Variants in SEL1L3 observed in about 807,000 individuals in gnomAD.
SEL1L3 encodes the protein SEL1L family member 3.
In SEL1L3, 76 loss-of-function variants were observed where a neutral mutation model predicts 142.8. That is an observed-to-expected ratio of 0.53 (90% CI 0.44 to 0.64). The LOEUF is 0.64. Among genes scored for constraint, SEL1L3 ranks in the 30% least tolerant of loss-of-function variants. The pLI is 0.00. For missense variants in SEL1L3, 1,262 were observed against 1,381.7 expected, an observed-to-expected ratio of 0.91 and a Z score of 1.37; for synonymous variants, 504 against 519.6, an observed-to-expected ratio of 0.97 and a Z score of 0.41.
intron 2 of SEL1L3, 50 bp from the exon 3 acceptor site, chr4:25,835,373 C>G (rs1443622184): frequency 6.3e-7 from 1 of 1,598,160 alleles, no homozygotes; most frequent in Non-Finnish European, 8.6e-7. Context: ...AAAAACATTC[C>G]TTCCCAAACC....
intron 15 of SEL1L3, among the ~76,000 whole-genome samples, chr4:25,781,034 G>A (rs1328603729): frequency 6.6e-6 from 1 of 151,362 alleles, no homozygotes; most frequent in African/African-American, 2.4e-5. Context: ...TTTTAGAGAC[G>A]GAGTTTTAAA....
chr4:25,803,364 A>G (rs184656388), intron 10 of SEL1L3, among the ~76,000 whole-genome samples: 1 of 152,378 alleles, frequency 6.6e-6, no homozygotes, highest in East Asian at 1.9e-4. Flanking sequence ...AGCCAGAGGC[A>G]TCATAAGCAA....
chr4:25,749,275 G>A (rs1422639554), intron 23 of SEL1L3, among the ~76,000 whole-genome samples: 1 of 152,032 alleles, frequency 6.6e-6, no homozygotes, highest in Non-Finnish European at 1.5e-5. Flanking sequence ...GATCTCTGAG[G>A]AAGTTAATGA....
At chr4:25,831,914 C>A (rs1480388815) in intron 5 of SEL1L3, among the ~76,000 whole-genome samples, 1 of 152,296 alleles carries the variant, frequency 6.6e-6, no homozygotes, top group South Asian at 2.1e-4. Flanking sequence ...TAGTGCCTTG[C>A]ATACAGTAGG....
the SEL1L3 span, among the ~76,000 whole-genome samples, chr4:25,725,693 G>A: frequency 2.0e-5 from 3 of 152,086 alleles, no homozygotes; most frequent in Non-Finnish European, 2.9e-5. Context: ...CTGTGAAAGG[G>A]GCTTGGAATT....
intron 1 of SEL1L3, among the ~76,000 whole-genome samples, chr4:25,853,124 C>A: frequency 6.6e-6 from 1 of 152,022 alleles, no homozygotes; most frequent in Non-Finnish European, 1.5e-5. Flanking sequence ...GCTGGTAATC[C>A]CAGTGCTTTG....
chr4:25,783,737 G>A (rs965147993), intron 14 of SEL1L3, among the ~76,000 whole-genome samples: 1 of 152,204 alleles, frequency 6.6e-6, no homozygotes, highest in African/African-American at 2.4e-5. Context: ...CCACTTAAAT[G>A]TAGTGACAAA....
At chr4:25,841,821 G>A (rs1276256292) in intron 2 of SEL1L3, among the ~76,000 whole-genome samples, 1 of 152,138 alleles carries the variant, frequency 6.6e-6, no homozygotes, top group Admixed American at 6.5e-5. Flanking sequence ...TTAGCTGGGT[G>A]TGGTGGCACG....
intron 9 of SEL1L3, among the ~76,000 whole-genome samples, chr4:25,810,879 C>G (rs1038256179): frequency 6.6e-6 from 1 of 152,240 alleles, no homozygotes; most frequent in Admixed American, 6.5e-5. Context: ...CCCCGAGTAG[C>G]CCCGCCATGT....
chr4:25,728,570 C>T, the SEL1L3 span, among the ~76,000 whole-genome samples: 5 of 152,266 alleles, frequency 3.3e-5, no homozygotes, highest in African/African-American at 9.6e-5. Flanking sequence ...TCCATCAAGG[C>T]TCAGCCCCCA....
intron 20 of SEL1L3, chr4:25,759,295 C>T (rs1446358983): frequency 8.2e-6 from 4 of 485,002 alleles, no homozygotes; most frequent in African/African-American, 7.8e-5. Context: ...GTCCCATCTG[C>T]TCCGAAGCCA....
At chr4:25,860,725 T>G (rs572171243) in intron 1 of SEL1L3, 1 of 152,384 alleles carries the variant, frequency 6.6e-6, no homozygotes, top group Admixed American at 6.5e-5. Context: ...GCACTGACAT[T>G]TCCCCCCACC....
At chr4:25,856,818 T>A (rs927384917) in intron 1 of SEL1L3, among the ~76,000 whole-genome samples, 1 of 152,226 alleles carries the variant, frequency 6.6e-6, no homozygotes, top group African/African-American at 2.4e-5. Flanking sequence ...AGAGATGCTA[T>A]TCAAATAACC....
chr4:25,863,425 C>T, upstream of SEL1L3: 2 of 692,462 alleles, frequency 2.9e-6, no homozygotes, highest in Admixed American at 2.0e-5. Context: ...TTCTTCCTCT[C>T]CCACCCACCC....
At chr4:25,844,789 AG>A (rs1716402408) in intron 2 of SEL1L3, among the ~76,000 whole-genome samples, 1 of 152,208 alleles carries the variant, frequency 6.6e-6, no homozygotes, top group Non-Finnish European at 1.5e-5. Context: ...GCCCTGTGGA[AG>A]GTATTCCAGA....
rs1051478206 is a variant in SEL1L3, at chr4:25,748,205, G to C, written c.*220C>G. The C allele has an allele frequency of 1.2e-4, 67 of 537,630 alleles. No individual in the cohort carries two copies. Among genetic ancestry groups the C allele is most frequent in the Non-Finnish European group, 2.1e-4 (63 of 301,668 alleles). The allele number at this position is 537,630 out of a possible 1,614,324, so 33.3% of individuals were successfully genotyped here. A position where few individuals can be genotyped will look rare whatever the true frequency, so the allele number is the denominator to read the frequency against. On this transcript the variant is annotated 3_prime_UTR_variant, in exon 24 of 24. Transcript: ENST00000399878. ...ACTTCCCCACATGCCCTATGATCAA[G>C]ATGTTCCTTGTATGTGTTTGATGAC...
intron 3 of SEL1L3, 113 bp from the exon 4 acceptor site, chr4:25,833,682 G>T: frequency 2.1e-6 from 2 of 954,940 alleles, no homozygotes; most frequent in Non-Finnish European, 3.0e-6. Context: ...GGATGAATTT[G>T]CCTTCGCGTT....
chr4:25,837,457 C>T (rs998936521), intron 2 of SEL1L3, among the ~76,000 whole-genome samples: 1 of 151,172 alleles, frequency 6.6e-6, no homozygotes, highest in African/African-American at 2.4e-5. Flanking sequence ...ACAATGAGCT[C>T]TTCCCTGTCC....
chr4:25,721,753 G>A, the SEL1L3 span, among the ~76,000 whole-genome samples: 1 of 152,174 alleles, frequency 6.6e-6, no homozygotes, highest in Non-Finnish European at 1.5e-5. Flanking sequence ...GTAGACAAAT[G>A]GAGGTTGAAA....
Sources: gnomAD v4.1 joint callset for allele counts (sites outside exome capture counted in the v4.1 genomes callset) on GRCh38, gnomAD v4.1.1 for gene constraint, MANE v1.5 for transcripts, NCBI Gene and HGNC (gene_info 2026-07-23, HGNC 2026-07-21) for gene names.